NXPE2: variants seen among roughly 807,000 people sequenced by gnomAD.
NXPE2 encodes the protein NXPE family member 2.
NXPE2 carries 34 observed loss-of-function variants against 34.4 expected under a neutral mutation model. The observed-to-expected ratio is 0.99, with a 90% CI of 0.75 to 1.31. NXPE2 has a LOEUF of 1.31. Ranked by LOEUF, NXPE2 falls within the 40% of genes most tolerant of loss-of-function variation. NXPE2 has a pLI of 0.00. For synonymous variants in NXPE2, 235 were observed against 231.3 expected (o/e 1.02, Z -0.15); for missense variants, 649 against 672.5 (o/e 0.97, Z 0.39).
At chr11:114,528,508 A>G in the NXPE2 span, among the ~76,000 whole-genome samples, 1 of 152,178 alleles carries the variant, frequency 6.6e-6, no homozygotes, top group Non-Finnish European at 1.5e-5. Context: ...TTGCTTTCTG[A>G]AGATCATAAG....
chr11:114,563,159 G>C, the NXPE2 span, among the ~76,000 whole-genome samples: 2 of 152,050 alleles, frequency 1.3e-5, no homozygotes, highest in African/African-American at 2.4e-5. Context: ...CAGGAAAAGA[G>C]GGGCCCTCTT....
intron 2 of NXPE2, among the ~76,000 whole-genome samples, chr11:114,688,732 A>G (rs944027451): frequency 7.2e-5 from 11 of 151,734 alleles, no homozygotes; most frequent in African/African-American, 2.7e-4. Flanking sequence ...TTTCTGCATG[A>G]TAGGTTTTTA....
At chr11:114,693,098 C>A (rs1270765147) in intron 2 of NXPE2, among the ~76,000 whole-genome samples, 2 of 152,214 alleles carry the variant, frequency 1.3e-5, no homozygotes, top group Non-Finnish European at 2.9e-5. Context: ...CGAATCTTAT[C>A]CAAACTATTT....
At chr11:114,594,730 T>A in the NXPE2 span, 10 of 1,589,592 alleles carry the variant, frequency 6.3e-6, no homozygotes, top group African/African-American at 1.3e-5. Flanking sequence ...GTGCCAATAG[T>A]GACTTATAAT....
the NXPE2 span, among the ~76,000 whole-genome samples, chr11:114,739,617 C>T: frequency 6.6e-6 from 1 of 151,924 alleles, no homozygotes; most frequent in Non-Finnish European, 1.5e-5. Context: ...ACTCTGTTAG[C>T]AAATTTAGTA....
chr11:114,492,456 T>C, the NXPE2 span, among the ~76,000 whole-genome samples: 1 of 152,152 alleles, frequency 6.6e-6, no homozygotes, highest in African/African-American at 2.4e-5. Context: ...GAATGTGTTT[T>C]CTGTAGGCAT....
At chr11:114,616,713 G>A in the NXPE2 span, among the ~76,000 whole-genome samples, 354 of 151,810 alleles carry the variant, frequency 2.3e-3, 1 homozygote, top group Non-Finnish European at 4.1e-3. Context: ...CTGTTACCCA[G>A]TGTATAATAA....
chr11:114,533,571 C>T, the NXPE2 span, among the ~76,000 whole-genome samples: 248 of 152,298 alleles, frequency 1.6e-3, no homozygotes, highest in Non-Finnish European at 2.8e-3. Context: ...CCTGGAAAAT[C>T]GGGTCACTCC....
downstream of NXPE2, among the ~76,000 whole-genome samples, chr11:114,710,825 T>A (rs1358494694): frequency 6.6e-6 from 1 of 151,304 alleles, no homozygotes. Context: ...TAAGCATAGA[T>A]GCAAAAACCC....
At chr11:114,495,852 C>T in the NXPE2 span, among the ~76,000 whole-genome samples, 1 of 152,152 alleles carries the variant, frequency 6.6e-6, no homozygotes, top group Non-Finnish European at 1.5e-5. Context: ...GCCTGGTGCC[C>T]TATCCTACTG....
At chr11:114,715,083 T>G in the NXPE2 span, among the ~76,000 whole-genome samples, 1 of 152,344 alleles carries the variant, frequency 6.6e-6, no homozygotes, top group South Asian at 2.1e-4. Context: ...AATTCCATGC[T>G]GAAATCAATA....
the NXPE2 span, among the ~76,000 whole-genome samples, chr11:114,602,752 ATAAG>A: frequency 1.4e-5 from 2 of 144,840 alleles, no homozygotes; most frequent in Admixed American, 7.1e-5. Flanking sequence ...AGAATCATAT[ATAAG>A]TATCTCATAT....
At chr11:114,751,439 A>G in the NXPE2 span, among the ~76,000 whole-genome samples, 1 of 152,160 alleles carries the variant, frequency 6.6e-6, no homozygotes, top group Non-Finnish European at 1.5e-5. Context: ...CACTGAATAT[A>G]TCTATACACA....
the NXPE2 span, among the ~76,000 whole-genome samples, chr11:114,655,985 A>G: frequency 2.6e-5 from 4 of 152,158 alleles, no homozygotes; most frequent in African/African-American, 9.6e-5. Context: ...AGGAAGTCAA[A>G]TTGTCTCTCT....
chr11:114,714,450 T>C, the NXPE2 span, among the ~76,000 whole-genome samples: 1 of 152,198 alleles, frequency 6.6e-6, no homozygotes, highest in Non-Finnish European at 1.5e-5. Context: ...GTGATAAAAA[T>C]CTACCTCAAA....
At chr11:114,754,708 C>A in the NXPE2 span, among the ~76,000 whole-genome samples, 1 of 149,966 alleles carries the variant, frequency 6.7e-6, no homozygotes, top group Admixed American at 6.6e-5. Context: ...GGAGTGAGAG[C>A]TCCAGGGGGT....
At chr11:114,617,762 T>C in the NXPE2 span, among the ~76,000 whole-genome samples, 1 of 152,096 alleles carries the variant, frequency 6.6e-6, no homozygotes, top group African/African-American at 2.4e-5. Flanking sequence ...TGTTACCATG[T>C]GGATAATAAG....
chr11:114,570,766 C>A, the NXPE2 span: 1 of 525,546 alleles, frequency 1.9e-6, no homozygotes, highest in Non-Finnish European at 3.3e-6. Flanking sequence ...AAGTGGAAGC[C>A]CAGATTAGAA....
At chr11:114,742,537 G>T in the NXPE2 span, among the ~76,000 whole-genome samples, 3 of 151,922 alleles carry the variant, frequency 2.0e-5, no homozygotes, top group African/African-American at 7.3e-5. Context: ...GTCTCTTTTT[G>T]GCACTGAACT....
Sources: allele counts gnomAD v4.1 joint callset (sites outside exome capture counted in the v4.1 genomes callset), GRCh38; gene constraint gnomAD v4.1.1; transcripts MANE v1.5; gene names NCBI Gene and HGNC (gene_info 2026-07-23, HGNC 2026-07-21).